The following RARB variants were observed in gnomAD, a reference collection of about 807,000 sequenced individuals.
The protein encoded by RARB is retinoic acid receptor beta.
In RARB, 17 loss-of-function variants were observed where a neutral mutation model predicts 51.9. That is an observed-to-expected ratio of 0.33 (90% CI 0.22 to 0.49). The LOEUF is 0.49. RARB is among the 20% of genes least tolerant of loss of function. RARB has a pLI of 0.99. For missense variants in RARB, 369 were observed against 550.8 expected (o/e 0.67, Z 3.30); for synonymous variants, 215 against 195.4 (o/e 1.10, Z -0.84).
chr3:25,443,413 C>T (rs1225791366), intron 1 of RARB, among the ~76,000 whole-genome samples: 1 of 133,356 alleles, frequency 7.5e-6, no homozygotes, highest in Non-Finnish European at 1.7e-5. Context: ...TTGTCCCCCC[C>T]ACCACCCCTT....
intron 5 of RARB, among the ~76,000 whole-genome samples, chr3:25,256,638 G>A (rs1475505969): frequency 6.6e-6 from 1 of 152,062 alleles, no homozygotes; most frequent in Non-Finnish European, 1.5e-5. Context: ...AGAAATGTAT[G>A]ACCAAAACTC....
At chr3:25,225,067 G>A (rs1575233439) in intron 5 of RARB, among the ~76,000 whole-genome samples, 1 of 152,084 alleles carries the variant, frequency 6.6e-6, no homozygotes, top group East Asian at 1.9e-4. Flanking sequence ...GTGTTTTACA[G>A]ATTAAGGTGA....
chr3:25,113,670 C>T (rs1699640118), intron 3 of RARB, among the ~76,000 whole-genome samples: 1 of 152,064 alleles, frequency 6.6e-6, no homozygotes. Context: ...TAGCCACGGC[C>T]CCAGGGTTTT....
At chr3:25,291,429 G>A (rs1703782996) in intron 5 of RARB, among the ~76,000 whole-genome samples, 1 of 149,024 alleles carries the variant, frequency 6.7e-6, no homozygotes, top group South Asian at 2.1e-4. Context: ...GATATAATAA[G>A]TCATAATTTA....
At chr3:25,453,488 C>T (rs928900358) in intron 1 of RARB, among the ~76,000 whole-genome samples, 1 of 152,002 alleles carries the variant, frequency 6.6e-6, no homozygotes, top group Non-Finnish European at 1.5e-5. Context: ...CTCAGGTGAT[C>T]TTCCCACCTT....
At chr3:25,199,778 TC>T (rs1701343911) in intron 5 of RARB, among the ~76,000 whole-genome samples, 1 of 152,202 alleles carries the variant, frequency 6.6e-6, no homozygotes, top group South Asian at 2.1e-4. Flanking sequence ...CATGAACTCA[TC>T]CTTTTTTATG....
At chr3:25,254,764 A>T (rs1223539358) in intron 5 of RARB, among the ~76,000 whole-genome samples, 1 of 152,140 alleles carries the variant, frequency 6.6e-6, no homozygotes, top group East Asian at 1.9e-4. Context: ...AAAGAAAATG[A>T]AATAGGATAA....
chr3:24,858,644 AC>A (rs1400343887), intron 1 of RARB: 3 of 152,162 alleles, frequency 2.0e-5, no homozygotes, highest in African/African-American at 7.2e-5. Context: ...GATGTTTAAG[AC>A]TGCTAAATGA....
intron 2 of RARB, among the ~76,000 whole-genome samples, chr3:24,904,933 G>T (rs958310723): frequency 1.3e-5 from 2 of 152,176 alleles, no homozygotes; most frequent in Non-Finnish European, 2.9e-5. Context: ...AACACTGCGT[G>T]TTCTCAGTCG....
intron 4 of RARB, among the ~76,000 whole-genome samples, chr3:25,578,183 C>T (rs1384363055): frequency 6.6e-6 from 1 of 152,234 alleles, no homozygotes; most frequent in Non-Finnish European, 1.5e-5. Context: ...CCAAGCAGGC[C>T]AGGGCTCTCC....
At chr3:24,959,758 GAA>G (rs1696098943) in intron 2 of RARB, among the ~76,000 whole-genome samples, 1 of 152,158 alleles carries the variant, frequency 6.6e-6, no homozygotes, top group Non-Finnish European at 1.5e-5. Flanking sequence ...CCACAAAAAA[GAA>G]AAGAGAGGAA....
At chr3:25,329,744 C>T (rs562630965) in intron 5 of RARB, among the ~76,000 whole-genome samples, 12 of 152,198 alleles carry the variant, frequency 7.9e-5, no homozygotes, top group South Asian at 4.2e-4. Flanking sequence ...TGAAACCCAT[C>T]GCAAAGAAGC....
intron 4 of RARB, among the ~76,000 whole-genome samples, chr3:25,576,740 C>T (rs1366639834): frequency 6.6e-6 from 1 of 152,150 alleles, no homozygotes; most frequent in Non-Finnish European, 1.5e-5. Context: ...TAGCCACAGG[C>T]TGCACCATGC....
intron 5 of RARB, among the ~76,000 whole-genome samples, chr3:25,312,856 C>T (rs1246618347): frequency 6.6e-6 from 1 of 152,180 alleles, no homozygotes; most frequent in Non-Finnish European, 1.5e-5. Flanking sequence ...TCTGGTTCTC[C>T]TCAATCTCAC....
chr3:25,328,692 A>T (rs1704799805), intron 5 of RARB, among the ~76,000 whole-genome samples: 1 of 152,204 alleles, frequency 6.6e-6, no homozygotes, highest in African/African-American at 2.4e-5. Context: ...CAGTGGGTGC[A>T]GCCCATGGAA....
chr3:25,270,626 T>A lies in RARB; in HGVS notation c.178+96051T>A, dbSNP rs142335204. 4.1e-3 allele frequency among the ~76,000 whole-genome samples: 618 copies of A among 152,310 alleles called. 7 individuals carry two copies. The highest frequency in any genetic ancestry group is 0.014 in the African/African-American group (597 of 41,584). On this transcript the variant is annotated intron_variant, in intron 5 of 11. Coordinates refer to the RARB transcript ENST00000383772. ...AACTTAATGGGGAGAGAATAAGCCG[T>A]GTTATCCCAGCCTATCACTGATAAT...
intron 5 of RARB, among the ~76,000 whole-genome samples, chr3:25,402,843 G>T (rs1707301224): frequency 6.6e-6 from 1 of 151,954 alleles, no homozygotes; most frequent in Non-Finnish European, 1.5e-5. Flanking sequence ...CATGAGGATG[G>T]TTAATGGGTA....
rs1011614450 is a variant in RARB, at chr3:25,583,565, G to C, written c.786+2843G>C. 2.6e-5 allele frequency among the ~76,000 whole-genome samples: 4 copies of C among 152,368 alleles called. No homozygotes were observed. In the East Asian group the frequency reaches 7.7e-4, roughly 29 times the overall value. On this transcript the variant is annotated intron_variant, in intron 5 of 7. Transcript: ENST00000330688. ...GATGCGGTCAGCTGCGGGACACGCA[G>C]CCGAGGCTCTCCAGGAAGGGTTGAT...
At chr3:24,910,373 CA>C (rs1176090940) in intron 2 of RARB, among the ~76,000 whole-genome samples, 7 of 152,092 alleles carry the variant, frequency 4.6e-5, no homozygotes, top group African/African-American at 9.7e-5. Context: ...ACCCAAAACC[CA>C]CTAATAATGA....
Sources: gnomAD v4.1 joint callset for allele counts (sites outside exome capture counted in the v4.1 genomes callset) on GRCh38, gnomAD v4.1.1 for gene constraint, MANE v1.5 for transcripts, NCBI Gene and HGNC (gene_info 2026-07-23, HGNC 2026-07-21) for gene names.